Variants in SUZ12 observed in about 807,000 individuals in gnomAD.
The protein encoded by SUZ12 is polycomb protein SUZ12.
A neutral mutation model predicts 87.3 loss-of-function variants in SUZ12; 17 were observed. The observed-to-expected ratio is 0.19, with a 90% confidence interval of 0.13 to 0.29. The LOEUF (loss-of-function observed/expected upper bound fraction) is 0.29. Among genes scored for constraint, SUZ12 ranks in the 10% least tolerant of loss-of-function variants. The pLI, the probability that SUZ12 is intolerant of heterozygous loss-of-function variation, is 1.00. For missense variants in SUZ12, 526 were observed against 912.2 expected, an observed-to-expected ratio of 0.58 and a Z score of 5.45; for synonymous variants, 253 against 312.4, an observed-to-expected ratio of 0.81 and a Z score of 2.01.
chr17:31,941,717 T>C (rs920618312), intron 3 of SUZ12, among the ~76,000 whole-genome samples: 6 of 151,744 alleles, frequency 4.0e-5, no homozygotes, highest in Admixed American at 1.3e-4. Flanking sequence ...GCTCGGCTAA[T>C]TTTTTGTATT....
At chr17:31,982,624 C>A (rs560383271) in intron 8 of SUZ12, among the ~76,000 whole-genome samples, 257 of 152,136 alleles carry the variant, frequency 1.7e-3, no homozygotes, top group Non-Finnish European at 3.4e-3. Context: ...GCACCACTGC[C>A]CTCCAGCCTG....
chr17:31,959,166 T>A (rs1907550009), intron 4 of SUZ12, among the ~76,000 whole-genome samples: 1 of 152,226 alleles, frequency 6.6e-6, no homozygotes, highest in African/African-American at 2.4e-5. Flanking sequence ...CAAATTGTCA[T>A]CTTTTCAGTC....
In SUZ12 at chr17:31,940,506, T is replaced by C. The variant is rs778647724; in HGVS notation, c.386+20T>C. On this transcript the variant is annotated intron_variant, in intron 3 of 15. Coordinates refer to ENST00000322652, the MANE Select transcript of SUZ12 (RefSeq NM_015355.4). ...CAAAAGGTACATTTTATGAATCTTA[T>C]TTCAAGCTGATCAAACCATGTTAGT... 11 of 1,521,804 alleles carry C rather than the reference T, an allele frequency of 7.2e-6. No homozygotes were observed. The highest frequency in any genetic ancestry group is 2.6e-5 in the South Asian group (2 of 77,738). The allele number at this position is 1,521,804 out of a possible 1,614,324, so 94.3% of individuals were successfully genotyped here.
chr17:31,963,187 C>T (rs149276896), intron 4 of SUZ12, among the ~76,000 whole-genome samples: 329 of 152,286 alleles, frequency 2.2e-3, no homozygotes, highest in African/African-American at 7.2e-3. Context: ...CTCTGTCGCC[C>T]AGGCTGGAGT....
chr17:31,957,065 G>A (rs72823789), intron 4 of SUZ12, among the ~76,000 whole-genome samples: 15,098 of 152,122 alleles, frequency 0.099, 1,031 homozygotes, highest in Middle Eastern at 0.15. Flanking sequence ...CTGTGCCAGC[G>A]TGCCTGGCCT....
At chr17:31,952,954 T>C (rs983813629) in intron 4 of SUZ12, among the ~76,000 whole-genome samples, 1 of 152,224 alleles carries the variant, frequency 6.6e-6, no homozygotes, top group African/African-American at 2.4e-5. Context: ...AAATCTGAGT[T>C]GCTTCCAAGT....
intron 6 of SUZ12, among the ~76,000 whole-genome samples, chr17:31,974,492 A>C (rs1010578350): frequency 6.6e-6 from 1 of 152,178 alleles, no homozygotes. Context: ...GCACAACTGC[A>C]CTCCAGCCTT....
In SUZ12 at chr17:31,968,042, A is replaced by G. The variant is rs373043840; in HGVS notation, c.505+1846A>G. Among the ~76,000 whole-genome samples, 106 of 152,158 alleles carry G rather than the reference A, an allele frequency of 7.0e-4. No individual in the cohort carries two copies. The East Asian group carries it at 0.019, about 27-fold the overall frequency. ...GTGGCACATGCCTGTAGTCCCAGCT[A>G]TTCTGTAGTCTCAGCTACTCAGGAG... On this transcript the variant is annotated intron_variant, in intron 5 of 15. Coordinates refer to ENST00000322652, the MANE Select transcript of SUZ12 (RefSeq NM_015355.4).
At chr17:31,954,616 T>C (rs1263866877) in intron 4 of SUZ12, among the ~76,000 whole-genome samples, 4 of 152,150 alleles carry the variant, frequency 2.6e-5, no homozygotes, top group South Asian at 4.2e-4. Context: ...TTAATAAATA[T>C]GAAATAAGTG....
chr17:31,963,055 G>C (rs111889118), intron 4 of SUZ12, among the ~76,000 whole-genome samples: 25,670 of 148,792 alleles, frequency 0.17, no homozygotes, highest in African/African-American at 0.32. Flanking sequence ...TAGTAAAATA[G>C]CACGTAGAAA....
chr17:31,989,833 T>A (rs1194050369), intron 10 of SUZ12, among the ~76,000 whole-genome samples: 1 of 150,832 alleles, frequency 6.6e-6, no homozygotes, highest in East Asian at 1.9e-4. Flanking sequence ...ATGGTCTCGA[T>A]CTCCTGACCT....
chr17:31,995,551 T>G lies in SUZ12; in HGVS notation c.1596-13T>G, dbSNP rs1234010471. 1 of 1,613,162 alleles carries G rather than the reference T, an allele frequency of 6.2e-7. No individual in the cohort carries two copies. Among genetic ancestry groups the G allele is most frequent in the Admixed American group, 1.7e-5 (1 of 60,020 alleles). ...GTAGAGGCCATAAATCAACATTTAT[T>G]TCTTTTCATTAGGCCAAAACGAACA... is the stretch of plus-strand genomic sequence containing the variant. On this transcript the variant is annotated splice_polypyrimidine_tract_variant and intron_variant, in intron 13 of 15. Transcript: ENST00000322652.
intron 4 of SUZ12, 61 bp from the exon 5 acceptor site, chr17:31,966,086 T>G: frequency 2.8e-6 from 4 of 1,403,866 alleles, no homozygotes; most frequent in Non-Finnish European, 3.9e-6. Context: ...TATTTTAAAG[T>G]CTAGGTTATT....
intron 8 of SUZ12, among the ~76,000 whole-genome samples, chr17:31,981,135 T>C (rs1373975710): frequency 1.3e-5 from 2 of 152,086 alleles, no homozygotes; most frequent in Non-Finnish European, 2.9e-5. Context: ...AAAAACTTCT[T>C]CAGAAAACAA....
At position 31,994,740 on chromosome 17, in the gene SUZ12, T is replaced by G. The variant is rs767014741; in HGVS notation, c.1595+19T>G. On this transcript the variant is annotated intron_variant, in intron 13 of 15. Transcript: ENST00000322652. ...TGTGCAGGTAGGTAAAAAGGGCATATAAGAAAAGTTTAAGCTCTGATTTTT... is the reference window on the plus strand; with the variant it reads ...TGTGCAGGTAGGTAAAAAGGGCATAGAAGAAAAGTTTAAGCTCTGATTTTT... 6.2e-7 allele frequency: 1 copy of G among 1,607,530 alleles called. No homozygotes were observed. The highest frequency in any genetic ancestry group is 8.5e-7 in the Non-Finnish European group (1 of 1,176,634).
At chr17:31,992,098 C>G (rs1909749043) in intron 10 of SUZ12, among the ~76,000 whole-genome samples, 1 of 151,588 alleles carries the variant, frequency 6.6e-6, no homozygotes, top group Admixed American at 6.6e-5. Context: ...TCAAGACCAG[C>G]CTGGGCAATA....
chr17:31,999,747 T>C lies in SUZ12; in HGVS notation c.*744T>C, dbSNP rs1391248403. On this transcript the variant is annotated 3_prime_UTR_variant, in exon 16 of 16. Coordinates refer to ENST00000322652, the MANE Select transcript of SUZ12 (RefSeq NM_015355.4). Reference sequence around the variant, plus strand: ...TAGTGCATTGCTCACCCGGTATGTTTTTTTTTTTTAACTTGAACATTTTGC... The same window carrying C: ...TAGTGCATTGCTCACCCGGTATGTTCTTTTTTTTTAACTTGAACATTTTGC... 4.3e-6 allele frequency: 1 copy of C among 231,972 alleles called. No homozygotes were observed. Among genetic ancestry groups the C allele is most frequent in the African/African-American group, 2.2e-5 (1 of 45,226 alleles). The allele number at this position is 231,972 out of a possible 1,614,324, so 14.4% of individuals were successfully genotyped here. A position where few individuals can be genotyped will look rare whatever the true frequency, so the allele number is the denominator to read the frequency against.
rs949446289 is a variant in SUZ12 at position 32,000,023 on chromosome 17, A to G, written c.*1020A>G. 18 of 232,718 alleles carry G rather than the reference A, an allele frequency of 7.7e-5. No individual in the cohort carries two copies. Among genetic ancestry groups the G allele is most frequent in the Non-Finnish European group, 1.4e-4 (17 of 117,842 alleles). The allele number at this position is 232,718 out of a possible 1,614,324, so 14.4% of individuals were successfully genotyped here. ...TAAGCTGACTTGAATCATTTTGAGC[A>G]ATTTTGCCCTGTGTTATATGTGTTT... On this transcript the variant is annotated 3_prime_UTR_variant, in exon 16 of 16. Coordinates refer to ENST00000322652, the MANE Select transcript of SUZ12 (RefSeq NM_015355.4).
chr17:31,995,520 A>G, intron 13 of SUZ12, 44 bp from the exon 14 acceptor site: 1 of 1,479,052 alleles, frequency 6.8e-7, no homozygotes, highest in Non-Finnish European at 9.4e-7. Flanking sequence ...GTTAGATGGT[A>G]TACATGTAGA....
Sources: gnomAD v4.1 joint callset for allele counts (sites outside exome capture counted in the v4.1 genomes callset) on GRCh38, gnomAD v4.1.1 for gene constraint, MANE v1.5 for transcripts, NCBI Gene and HGNC (gene_info 2026-07-23, HGNC 2026-07-21) for gene names.